The following SPATA17 variants were observed in gnomAD, a reference collection of about 807,000 sequenced individuals.
The protein encoded by SPATA17 is spermatogenesis-associated protein 17.
SPATA17 carries 53 observed loss-of-function variants against 62.2 expected under a neutral mutation model. The ratio of observed to expected loss-of-function variants is 0.85; its 90% CI spans 0.68 to 1.07. The LOEUF is 1.07. Among genes scored for constraint, SPATA17 ranks in the 50% least tolerant of loss-of-function variants. The pLI is 0.00. For missense variants in SPATA17, 466 were observed against 425.5 expected (o/e 1.10, Z -0.84); for synonymous variants, 146 against 146.8 (o/e 0.99, Z 0.04).
intron 4 of SPATA17, among the ~76,000 whole-genome samples, chr1:217,675,504 A>G (rs1670926786): frequency 6.6e-6 from 1 of 152,168 alleles, no homozygotes; most frequent in Non-Finnish European, 1.5e-5. Flanking sequence ...GTTCAATTGT[A>G]GGTAAATTAT....
At chr1:217,637,539 GT>G (rs1321886749) in intron 1 of SPATA17, among the ~76,000 whole-genome samples, 1 of 152,124 alleles carries the variant, frequency 6.6e-6, no homozygotes, top group Non-Finnish European at 1.5e-5. Context: ...TGTTCCTTAA[GT>G]TGTCCTGATT....
chr1:217,821,676 G>A (rs1402310217), intron 9 of SPATA17, among the ~76,000 whole-genome samples: 2 of 151,730 alleles, frequency 1.3e-5, no homozygotes, highest in Non-Finnish European at 2.9e-5. Flanking sequence ...ATGGGGTAAT[G>A]TATCTTTTAT....
intron 9 of SPATA17, among the ~76,000 whole-genome samples, chr1:217,827,813 A>G (rs180757318): frequency 1.3e-5 from 2 of 152,290 alleles, no homozygotes; most frequent in Admixed American, 6.5e-5. Flanking sequence ...GTTCTCACTC[A>G]TAAGTGATAG....
intron 6 of SPATA17, 106 bp downstream of exon 6, chr1:217,742,204 C>G: frequency 7.2e-7 from 1 of 1,388,320 alleles, no homozygotes; most frequent in South Asian, 1.3e-5. Context: ...AAAGATATCA[C>G]AAAGACACTA....
At chr1:217,835,677 T>A (rs750971240) in intron 9 of SPATA17, among the ~76,000 whole-genome samples, 3 of 152,070 alleles carry the variant, frequency 2.0e-5, no homozygotes, top group Non-Finnish European at 4.4e-5. Context: ...AAAACTCAAC[T>A]GCCTTTGTGA....
At chr1:217,671,892 A>T (rs1292883397) in intron 4 of SPATA17, among the ~76,000 whole-genome samples, 1 of 152,232 alleles carries the variant, frequency 6.6e-6, no homozygotes, top group Non-Finnish European at 1.5e-5. Context: ...GAGGTTTGAG[A>T]TGGGTTAACT....
At chr1:217,659,749 C>A (rs1280911173) in intron 3 of SPATA17, among the ~76,000 whole-genome samples, 1 of 152,068 alleles carries the variant, frequency 6.6e-6, no homozygotes, top group Non-Finnish European at 1.5e-5. Flanking sequence ...TGCAATTCAA[C>A]CAGAAATCGA....
chr1:217,757,284 A>G lies in SPATA17; in HGVS notation c.519+15186A>G, dbSNP rs149672104. 3.9e-5 allele frequency among the ~76,000 whole-genome samples: 6 copies of G among 152,214 alleles called. No homozygotes were observed. In the South Asian group the frequency reaches 6.2e-4, roughly 16 times the overall value. ...TAGTTGGAGATAAAAACATACCTCT[A>G]TCTCAAAATTAGTAATGAAAGCTGA... On this transcript the variant is annotated intron_variant, in intron 6 of 10. Coordinates refer to ENST00000366933, the MANE Select transcript of SPATA17 (RefSeq NM_138796.4).
chr1:217,792,147 G>A (rs561011934), intron 8 of SPATA17, among the ~76,000 whole-genome samples: 5 of 152,200 alleles, frequency 3.3e-5, no homozygotes, highest in South Asian at 2.1e-4. Flanking sequence ...TGTGGCCCAC[G>A]GCGCATGGGT....
intron 10 of SPATA17, among the ~76,000 whole-genome samples, chr1:217,864,518 T>A (rs1003836633): frequency 2.0e-5 from 3 of 152,162 alleles, no homozygotes; most frequent in Admixed American, 6.5e-5. Context: ...TACATATGTG[T>A]GTATACATAT....
chr1:217,837,900 T>C (rs1675298451), intron 9 of SPATA17, among the ~76,000 whole-genome samples: 1 of 152,148 alleles, frequency 6.6e-6, no homozygotes, highest in Non-Finnish European at 1.5e-5. Flanking sequence ...GAAAGAAAGC[T>C]CCACATTCTC....
Position 217,867,173 on chromosome 1 carries a change from T to A in SPATA17, c.*154T>A, listed in dbSNP as rs1261684802. The A allele has an allele frequency of 6.6e-6, 1 of 152,208 alleles. No individual in the cohort carries two copies. Among genetic ancestry groups the A allele is most frequent in the African/African-American group, 2.4e-5 (1 of 41,448 alleles). 9.4% of individuals were successfully genotyped at this position (152,208 alleles called of 1,614,324 possible). A position where few individuals can be genotyped will look rare whatever the true frequency, so the allele number is the denominator to read the frequency against. On this transcript the variant is annotated 3_prime_UTR_variant, in exon 11 of 11. Transcript: ENST00000366933. ...CTAGTCATGAATTAATTATTGTGTGTATGTATTTGAAATCTCTTAGACATA... is the reference window on the plus strand; with the variant it reads ...CTAGTCATGAATTAATTATTGTGTGAATGTATTTGAAATCTCTTAGACATA...
chr1:217,681,735 C>A (rs1302668712), intron 4 of SPATA17, among the ~76,000 whole-genome samples: 2 of 151,960 alleles, frequency 1.3e-5, no homozygotes, highest in Admixed American at 6.6e-5. Context: ...TATAAATGAC[C>A]TTTTAAATGG....
chr1:217,671,104 AC>A (rs1450694691), intron 4 of SPATA17, among the ~76,000 whole-genome samples: 1 of 152,116 alleles, frequency 6.6e-6, no homozygotes, highest in African/African-American at 2.4e-5. Context: ...CCACTTTTTT[AC>A]CTATGACAAG....
intron 6 of SPATA17, among the ~76,000 whole-genome samples, chr1:217,767,191 C>A (rs564760348): frequency 6.6e-6 from 1 of 151,934 alleles, no homozygotes; most frequent in Non-Finnish European, 1.5e-5. Flanking sequence ...TCACTCTATT[C>A]TCTTCTTGCT....
chr1:217,793,445 C>G (rs543698052), intron 8 of SPATA17, among the ~76,000 whole-genome samples: 3 of 152,050 alleles, frequency 2.0e-5, no homozygotes, highest in Non-Finnish European at 4.4e-5. Flanking sequence ...TGGTCTCGAT[C>G]TCTTGACCTC....
intron 6 of SPATA17, among the ~76,000 whole-genome samples, chr1:217,748,314 A>AAG (rs1672815949): frequency 6.6e-6 from 1 of 151,756 alleles, no homozygotes; most frequent in Non-Finnish European, 1.5e-5. Flanking sequence ...AAAAAAAAAA[A>AAG]AAAAATTAAC....
In SPATA17 at chr1:217,651,103, A is replaced by C; in HGVS notation, c.165A>C (p.Leu55Phe). ...CATATTTTTTTTATCCTAGGCATTTAAACAGGATTGTAACAATTATTCAAA... is the reference window on the plus strand; with the variant it reads ...CATATTTTTTTTATCCTAGGCATTTCAACAGGATTGTAACAATTATTCAAA... Reference protein sequence around the residue: ...GCQVRAYIRHLNRIVTIIQKW... With the variant: ...GCQVRAYIRHFNRIVTIIQKW... The change falls in exon 3 of 11, where the codon TTA becomes TTC. Residue 55 changes from leucine (L) to phenylalanine (F), a missense_variant. Coordinates refer to ENST00000366933, the MANE Select transcript of SPATA17 (RefSeq NM_138796.4). 6.2e-7 allele frequency: 1 copy of C among 1,604,178 alleles called. No homozygotes were observed. The highest frequency in any genetic ancestry group is 8.5e-7 in the Non-Finnish European group (1 of 1,176,524).
chr1:217,807,797 T>C lies in SPATA17; in HGVS notation c.1005+5947T>C, dbSNP rs116700063. 8.6e-3 allele frequency among the ~76,000 whole-genome samples: 1,314 copies of C among 152,322 alleles called. 13 individuals carry two copies. The highest frequency in any genetic ancestry group is 0.03 in the African/African-American group (1,248 of 41,574). ...AAAATGTCTGAATTGGGAAAACATGTCTTAGACTATAAGAGATGAAAAGGG... is the reference window on the plus strand; with the variant it reads ...AAAATGTCTGAATTGGGAAAACATGCCTTAGACTATAAGAGATGAAAAGGG... On this transcript the variant is annotated intron_variant, in intron 9 of 10. Transcript: ENST00000366933.
Sources: gnomAD v4.1 joint callset for allele counts (sites outside exome capture counted in the v4.1 genomes callset) on GRCh38, gnomAD v4.1.1 for gene constraint, MANE v1.5 for transcripts, NCBI Gene and HGNC (gene_info 2026-07-23, HGNC 2026-07-21) for gene names.